UVRAG: variants seen among roughly 807,000 people sequenced by gnomAD.
The protein encoded by UVRAG is UV radiation resistance associated, also known as UV radiation resistance-associated gene protein.
A neutral mutation model predicts 78.0 loss-of-function variants in UVRAG; 19 were observed. The ratio of observed to expected loss-of-function variants is 0.24; its 90% CI spans 0.17 to 0.36. UVRAG has a LOEUF of 0.36. Among genes scored for constraint, UVRAG ranks in the 10% least tolerant of loss-of-function variants. The probability of loss-of-function intolerance (pLI) is 1.00; values close to 1 mark genes in which losing one functional copy is unlikely to be tolerated. For synonymous variants in UVRAG, 323 were observed against 324.6 expected, an observed-to-expected ratio of 1.00 and a Z score of 0.05; for missense variants, 740 against 853.8, an observed-to-expected ratio of 0.87 and a Z score of 1.66.
At chr11:76,053,862 C>T (rs977956281) in intron 12 of UVRAG, among the ~76,000 whole-genome samples, 4 of 149,702 alleles carry the variant, frequency 2.7e-5, no homozygotes, top group Non-Finnish European at 4.4e-5. Context: ...CCCTGCTACT[C>T]GGGAGGCTGA....
At position 76,081,794 on chromosome 11, in the gene UVRAG, G is replaced by T. The variant is rs113844802; in HGVS notation, c.1305+16006G>T. Among the ~76,000 whole-genome samples the T allele has an allele frequency of 7.1e-3, 1,076 of 152,092 alleles. 17 individuals are homozygous for T. Among genetic ancestry groups the T allele is most frequent in the African/African-American group, 0.025 (1,027 of 41,456 alleles). On this transcript the variant is annotated intron_variant, in intron 13 of 14. Coordinates refer to ENST00000356136, the MANE Select transcript of UVRAG (RefSeq NM_003369.4). Reference sequence around the variant, plus strand: ...AGCACCACTATTCATAATAGCTGAAGATTAGAAACAACTTAAAATATATCG... The same window carrying T: ...AGCACCACTATTCATAATAGCTGAATATTAGAAACAACTTAAAATATATCG...
At chr11:75,993,015 A>T (rs1373108730) in intron 8 of UVRAG, among the ~76,000 whole-genome samples, 1 of 152,200 alleles carries the variant, frequency 6.6e-6, no homozygotes, top group African/African-American at 2.4e-5. Flanking sequence ...CCAGGAGCTC[A>T]GTTAGGATAT....
chr11:76,086,400 C>A (rs1951589748), intron 13 of UVRAG, among the ~76,000 whole-genome samples: 1 of 152,130 alleles, frequency 6.6e-6, no homozygotes, highest in African/African-American at 2.4e-5. Flanking sequence ...CAGAACTATT[C>A]TTCGTATGTT....
intron 13 of UVRAG, among the ~76,000 whole-genome samples, chr11:76,106,500 G>C (rs1468938401): frequency 1.3e-5 from 2 of 151,998 alleles, no homozygotes; most frequent in Admixed American, 6.6e-5. Context: ...CAAGTAGCTG[G>C]GATTACAGGC....
chr11:75,952,647 A>G (rs1364497552), intron 6 of UVRAG, among the ~76,000 whole-genome samples: 1 of 152,090 alleles, frequency 6.6e-6, no homozygotes, highest in Non-Finnish European at 1.5e-5. Context: ...CACTTGATCC[A>G]GTTGCTTTAT....
chr11:76,122,801 C>T (rs1378709445), intron 14 of UVRAG, among the ~76,000 whole-genome samples: 1 of 152,216 alleles, frequency 6.6e-6, no homozygotes, highest in Non-Finnish European at 1.5e-5. Flanking sequence ...ACCCTAAAAC[C>T]TGTTTGCCTA....
intron 14 of UVRAG, chr11:76,137,353 A>G (rs776799547): frequency 6.6e-6 from 3 of 456,128 alleles, no homozygotes; most frequent in South Asian, 4.6e-5. Flanking sequence ...ACCACTGAAC[A>G]TCCTGTAGTC....
At chr11:76,069,930 A>G (rs1951269048) in intron 13 of UVRAG, among the ~76,000 whole-genome samples, 1 of 152,344 alleles carries the variant, frequency 6.6e-6, no homozygotes, top group South Asian at 2.1e-4. Context: ...TATTTTGCAC[A>G]TCATAATTTT....
intron 2 of UVRAG, among the ~76,000 whole-genome samples, chr11:75,856,403 T>C (rs914946164): frequency 2.0e-5 from 3 of 152,164 alleles, no homozygotes; most frequent in African/African-American, 7.2e-5. Context: ...AGATGAACTC[T>C]ATATTACTTA....
intron 6 of UVRAG, among the ~76,000 whole-genome samples, chr11:75,920,152 A>C (rs539703673): frequency 1.3e-5 from 2 of 150,178 alleles, no homozygotes; most frequent in Admixed American, 6.7e-5. Flanking sequence ...CAGCCTCCCA[A>C]GTAGCTGGGA....
chr11:75,908,611 C>T (rs2135014899), intron 5 of UVRAG, among the ~76,000 whole-genome samples: 1 of 150,038 alleles, frequency 6.7e-6, no homozygotes, highest in South Asian at 2.1e-4. Context: ...CATAGAATAA[C>T]TTAAGAAGTA....
intron 1 of UVRAG, among the ~76,000 whole-genome samples, chr11:75,850,720 G>T (rs148670276): frequency 2.0e-5 from 3 of 152,362 alleles, no homozygotes. Flanking sequence ...GAAAATTGTT[G>T]CTGTAATCCA....
intron 5 of UVRAG, among the ~76,000 whole-genome samples, chr11:75,889,452 T>C (rs1302670444): frequency 6.6e-6 from 1 of 152,232 alleles, no homozygotes; most frequent in East Asian, 1.9e-4. Context: ...GTCCTCTCCA[T>C]TTTATAGTTA....
chr11:75,922,818 C>T (rs1026375853), intron 6 of UVRAG, among the ~76,000 whole-genome samples: 8 of 151,578 alleles, frequency 5.3e-5, no homozygotes, highest in South Asian at 4.2e-4. Flanking sequence ...CGTGGTGGCA[C>T]GCACCTGTAA....
intron 3 of UVRAG, among the ~76,000 whole-genome samples, chr11:75,879,498 C>G (rs76813004): frequency 0.068 from 10,403 of 152,232 alleles, 519 homozygotes; most frequent in African/African-American, 0.14. Context: ...GAACTTTGCA[C>G]AAAACAGTGT....
intron 13 of UVRAG, among the ~76,000 whole-genome samples, chr11:76,086,239 A>G (rs372315477): frequency 1.2e-4 from 19 of 152,166 alleles, no homozygotes; most frequent in African/African-American, 4.3e-4. Flanking sequence ...TCCATCATGT[A>G]TTCTAGAAAG....
chr11:75,940,393 T>A (rs748984618), intron 6 of UVRAG, among the ~76,000 whole-genome samples: 20 of 152,292 alleles, frequency 1.3e-4, no homozygotes, highest in South Asian at 4.1e-4. Context: ...AATAACATTT[T>A]AAAAAAATGA....
At chr11:75,846,476 C>T (rs1034052524) in intron 1 of UVRAG, among the ~76,000 whole-genome samples, 2 of 152,142 alleles carry the variant, frequency 1.3e-5, no homozygotes, top group Non-Finnish European at 2.9e-5. Flanking sequence ...AACCCAAGAT[C>T]ACCAAAATTT....
At chr11:75,958,033 T>C (rs1275181029) in intron 6 of UVRAG, among the ~76,000 whole-genome samples, 2 of 152,186 alleles carry the variant, frequency 1.3e-5, no homozygotes, top group Admixed American at 1.3e-4. Flanking sequence ...CTAAAAACAA[T>C]GTACATACCT....
Sources: allele counts gnomAD v4.1 joint callset (sites outside exome capture counted in the v4.1 genomes callset), GRCh38; gene constraint gnomAD v4.1.1; transcripts MANE v1.5; gene names NCBI Gene and HGNC (gene_info 2026-07-23, HGNC 2026-07-21).